Variants in SLC24A2 observed in about 807,000 individuals in gnomAD.
The protein encoded by SLC24A2 is sodium/potassium/calcium exchanger 2.
In SLC24A2, 36 loss-of-function variants were observed where a neutral mutation model predicts 62.0. The ratio of observed to expected loss-of-function variants is 0.58; its 90% confidence interval spans 0.44 to 0.77. The LOEUF (loss-of-function observed/expected upper bound fraction) is 0.77, where lower values mean the gene tolerates loss of function less well. SLC24A2 is among the 30% of genes least tolerant of loss of function. The pLI is 0.00. For synonymous variants in SLC24A2, 358 were observed against 294.0 expected (o/e 1.22, Z -2.23); for missense variants, 846 against 817.9 (o/e 1.03, Z -0.42).
chr9:19,929,476 A>G, the SLC24A2 span: 8 of 152,212 alleles, frequency 5.3e-5, no homozygotes, highest in African/African-American at 1.9e-4. Flanking sequence ...ACCTGAAAAT[A>G]TCCTATTGCC....
the SLC24A2 span, among the ~76,000 whole-genome samples, chr9:19,878,600 C>T: frequency 1.3e-5 from 2 of 151,898 alleles, no homozygotes; most frequent in Non-Finnish European, 2.9e-5. Flanking sequence ...GTGGATTTCC[C>T]CCTTTGGTGC....
the SLC24A2 span, among the ~76,000 whole-genome samples, chr9:19,930,340 G>A: frequency 6.6e-6 from 1 of 152,050 alleles, no homozygotes; most frequent in South Asian, 2.1e-4. Context: ...ATTTATCATT[G>A]TGTTACAATT....
the SLC24A2 span, chr9:19,895,782 G>A: frequency 2.0e-5 from 32 of 1,578,500 alleles, no homozygotes; most frequent in East Asian, 3.0e-4. Flanking sequence ...CTCCTCATGC[G>A]GTGGCCTGTG....
At chr9:20,129,266 G>T in the SLC24A2 span, among the ~76,000 whole-genome samples, 1 of 152,074 alleles carries the variant, frequency 6.6e-6, no homozygotes, top group African/African-American at 2.4e-5. Context: ...CATGAGAATG[G>T]CTATAATTTT....
chr9:20,107,249 C>T, the SLC24A2 span, among the ~76,000 whole-genome samples: 6 of 151,882 alleles, frequency 4.0e-5, no homozygotes, highest in Non-Finnish European at 5.9e-5. Flanking sequence ...GAATCAATAT[C>T]GTGAAAATGG....
the SLC24A2 span, among the ~76,000 whole-genome samples, chr9:20,032,862 G>A: frequency 1.3e-5 from 2 of 152,162 alleles, no homozygotes; most frequent in Non-Finnish European, 2.9e-5. Context: ...AAAACACAGT[G>A]TATTGCAAGC....
the SLC24A2 span, among the ~76,000 whole-genome samples, chr9:20,176,640 A>C: frequency 6.6e-6 from 1 of 152,128 alleles, no homozygotes; most frequent in East Asian, 1.9e-4. Context: ...CATAAGTTTT[A>C]TTTCCAGGAA....
chr9:19,681,536 C>T (rs1232179485), intron 2 of SLC24A2, among the ~76,000 whole-genome samples: 1 of 152,138 alleles, frequency 6.6e-6, no homozygotes, highest in African/African-American at 2.4e-5. Context: ...TAATCCCTAG[C>T]CTAACCCAGT....
rs555009044 is a variant in SLC24A2, at chr9:19,536,664, G to A, written c.1480-8526C>T. On this transcript the variant is annotated intron_variant, in intron 8 of 10. Coordinates refer to ENST00000341998, the MANE Select transcript of SLC24A2 (RefSeq NM_020344.4). ...GTGAATAATGCCACAATAAACATAC[G>A]TGTGCATGTGTCTTTATAGCAGCAT... Among the ~76,000 whole-genome samples, 341 of 44,604 alleles carry A rather than the reference G, an allele frequency of 7.6e-3. 5 individuals carry two copies. The highest frequency in any genetic ancestry group is 0.043 in the Admixed American group (154 of 3,618). 29.3% of individuals were successfully genotyped at this position (44,604 alleles called of 152,430 possible).
chr9:20,265,631 A>C, the SLC24A2 span, among the ~76,000 whole-genome samples: 1 of 152,160 alleles, frequency 6.6e-6, no homozygotes, highest in Non-Finnish European at 1.5e-5. Flanking sequence ...TAACTGCACA[A>C]ATTGTTTGTA....
chr9:19,768,639 C>G lies in SLC24A2; in HGVS notation c.930+17298G>C, dbSNP rs180958408. ...TTCACATTCTGGGTGGGACAGAGAG[C>G]GACAGCACAAAATTTCATCATGCCA... On this transcript the variant is annotated intron_variant, in intron 2 of 10. Transcript: ENST00000341998. Among the ~76,000 whole-genome samples, 135 of 152,242 alleles carry G rather than the reference C, an allele frequency of 8.9e-4. 1 individual carries two copies. Among genetic ancestry groups the G allele is most frequent in the Non-Finnish European group, 1.7e-3 (113 of 68,010 alleles).
chr9:19,545,315 T>G (rs1834496200), intron 8 of SLC24A2, among the ~76,000 whole-genome samples: 1 of 152,118 alleles, frequency 6.6e-6, no homozygotes, highest in African/African-American at 2.4e-5. Flanking sequence ...GTTATTCCAG[T>G]TAGCAATTCG....
At chr9:19,911,770 C>A in the SLC24A2 span, among the ~76,000 whole-genome samples, 1 of 152,280 alleles carries the variant, frequency 6.6e-6, no homozygotes, top group Non-Finnish European at 1.5e-5. Context: ...TCCACTTGAC[C>A]TGTGGTTATG....
At chr9:20,241,158 C>T in the SLC24A2 span, among the ~76,000 whole-genome samples, 9 of 152,326 alleles carry the variant, frequency 5.9e-5, no homozygotes, top group Middle Eastern at 3.4e-3. Context: ...TGCAAAGACA[C>T]GCATCCAGTG....
intron 8 of SLC24A2, among the ~76,000 whole-genome samples, chr9:19,543,245 G>A (rs1331684510): frequency 6.6e-6 from 1 of 152,154 alleles, no homozygotes; most frequent in Non-Finnish European, 1.5e-5. Flanking sequence ...TCTGATGGTA[G>A]TTTGTATTTC....
chr9:19,704,984 G>A (rs1460972646), intron 2 of SLC24A2, among the ~76,000 whole-genome samples: 1 of 152,078 alleles, frequency 6.6e-6, no homozygotes, highest in Admixed American at 6.5e-5. Flanking sequence ...GTTGAAAGAG[G>A]ACCCAGCTGC....
the SLC24A2 span, among the ~76,000 whole-genome samples, chr9:20,151,980 T>A: frequency 2.0e-5 from 3 of 151,898 alleles, no homozygotes; most frequent in Admixed American, 6.6e-5. Flanking sequence ...GAAAATTGTA[T>A]GTTTTTCCTT....
At chr9:19,843,031 A>G in the SLC24A2 span, among the ~76,000 whole-genome samples, 1 of 152,192 alleles carries the variant, frequency 6.6e-6, no homozygotes, top group Non-Finnish European at 1.5e-5. Context: ...ACTTCTGTAT[A>G]TATCCCGTGG....
At chr9:20,181,428 C>T in the SLC24A2 span, among the ~76,000 whole-genome samples, 1 of 152,060 alleles carries the variant, frequency 6.6e-6, no homozygotes, top group East Asian at 1.9e-4. Flanking sequence ...GTACTGGTAC[C>T]AAAACAGGGA....
Sources: allele counts gnomAD v4.1 joint callset (sites outside exome capture counted in the v4.1 genomes callset), GRCh38; gene constraint gnomAD v4.1.1; transcripts MANE v1.5; gene names NCBI Gene and HGNC (gene_info 2026-07-23, HGNC 2026-07-21).